The following AHCY variants were observed in gnomAD, a reference collection of about 807,000 sequenced individuals.
AHCY encodes the protein adenosylhomocysteinase, also known as S-adenosyl-L-homocysteine hydrolase.
A neutral mutation model predicts 45.4 loss-of-function variants in AHCY; 24 were observed. The observed-to-expected ratio is 0.53, with a 90% CI of 0.38 to 0.74. The LOEUF is 0.74. AHCY is among the 30% of genes least tolerant of loss of function. The pLI is 0.00. For synonymous variants in AHCY, 245 were observed against 235.1 expected (o/e 1.04, Z -0.39); for missense variants, 449 against 594.1 (o/e 0.76, Z 2.54).
At chr20:34,248,247 G>C in the AHCY span, among the ~76,000 whole-genome samples, 3 of 151,728 alleles carry the variant, frequency 2.0e-5, no homozygotes, top group Non-Finnish European at 4.4e-5. Context: ...AGAATTCAAA[G>C]ATATTTTAAG....
Position 34,295,406 on chromosome 20 carries a change from G to C in AHCY, c.208C>G (p.Leu70Val). 6.2e-7 allele frequency: 1 copy of C among 1,614,026 alleles called. No individual in the cohort carries two copies. The highest frequency in any genetic ancestry group is 1.6e-4 in the Middle Eastern group (1 of 6,062). Residue 70 changes from leucine to valine, a missense_variant, in exon 2 of 10, where the codon CTG becomes GTG. Coordinates refer to ENST00000217426, the MANE Select transcript of AHCY (RefSeq NM_000687.4). ...GCTGTGGGCCTCACCTCAGCACCCA[G>C]GGTGACGAGGGTCTCAATGAGGACG... ...TAVLIETLVT[L>V]GAEVQWSSCN...
At chr20:34,294,301 T>C in intron 2 of AHCY, 145 bp from the exon 3 acceptor site, 1 of 800,696 alleles carries the variant, frequency 1.2e-6, no homozygotes, top group Non-Finnish European at 2.1e-6. Context: ...AGGCTGGGGA[T>C]GCTGGGTGGG....
At chr20:34,282,857 G>A (rs1471750342) in intron 9 of AHCY, among the ~76,000 whole-genome samples, 1 of 152,082 alleles carries the variant, frequency 6.6e-6, no homozygotes, top group Non-Finnish European at 1.5e-5. Flanking sequence ...ACCCCTAAGG[G>A]ACCCCATCCT....
chr20:34,235,891 A>AAAGGG, the AHCY span, among the ~76,000 whole-genome samples: 1 of 97,596 alleles, frequency 1.0e-5, no homozygotes, highest in Non-Finnish European at 2.0e-5. Context: ...GGAAGGAAGG[A>AAAGGG]AGGAAGGAAA....
At chr20:34,268,883 G>A in the AHCY span, 1 of 1,402,192 alleles carries the variant, frequency 7.1e-7, no homozygotes, top group South Asian at 1.3e-5. Flanking sequence ...AAGCCAGCGG[G>A]GAAACCTCTG....
chr20:34,237,069 TA>T, the AHCY span, among the ~76,000 whole-genome samples: 2 of 152,222 alleles, frequency 1.3e-5, no homozygotes, highest in African/African-American at 4.8e-5. Flanking sequence ...TGGGTTTATT[TA>T]TTCTATTCCA....
the AHCY span, among the ~76,000 whole-genome samples, chr20:34,257,211 G>A: frequency 6.6e-6 from 1 of 151,858 alleles, no homozygotes; most frequent in East Asian, 1.9e-4. Context: ...AGCCTCCTGA[G>A]TAGGTGGATT....
In AHCY at chr20:34,292,507, A is replaced by G. The variant is rs2036433295; in HGVS notation, c.296T>C (p.Val99Ala). 2 of 1,613,814 alleles carry G rather than the reference A, an allele frequency of 1.2e-6. No homozygotes were observed. Among genetic ancestry groups the G allele is most frequent in the Non-Finnish European group, 1.7e-6 (2 of 1,180,028 alleles). ...AAAIAKAGIP[V>A]YAWKGETDEE... ...GTCCGTTTCGCCCTTCCAGGCATAC[A>G]CTGGAGGGTGAGTGGCACATCAGGG... The change falls in exon 4 of 10, where the codon GTG (valine) becomes GCG (alanine). Residue 99 changes from valine (V) to alanine (A), a missense_variant and splice_region_variant. Transcript: ENST00000217426.
At chr20:34,287,238 C>T (rs1210764548) in intron 8 of AHCY, among the ~76,000 whole-genome samples, 1 of 152,220 alleles carries the variant, frequency 6.6e-6, no homozygotes, top group Non-Finnish European at 1.5e-5. Flanking sequence ...AGGGACACGT[C>T]AACCTGGACT....
At chr20:34,246,738 G>A in the AHCY span, among the ~76,000 whole-genome samples, 4 of 152,134 alleles carry the variant, frequency 2.6e-5, no homozygotes, top group South Asian at 2.1e-4. Context: ...GATTACAGGC[G>A]TGAGCCCCTG....
At chr20:34,293,718 C>T (rs1199021496) in intron 3 of AHCY, 2 of 371,092 alleles carry the variant, frequency 5.4e-6, no homozygotes, top group Non-Finnish European at 1.0e-5. Flanking sequence ...GTCCTTTAGA[C>T]CGCCATACCC....
chr20:34,295,641 G>A (rs569249922), intron 1 of AHCY, 56 bp from the exon 2 acceptor site: 2 of 1,583,798 alleles, frequency 1.3e-6, no homozygotes, highest in African/African-American at 1.3e-5. Flanking sequence ...CCAACCAAGA[G>A]GGGCGGTCAC....
At chr20:34,235,828 A>AAGGAAG in the AHCY span, among the ~76,000 whole-genome samples, 2 of 67,154 alleles carry the variant, frequency 3.0e-5, no homozygotes, top group African/African-American at 3.0e-4. Flanking sequence ...AAAGAAAGAA[A>AAGGAAG]GAAAGAAAGA....
the AHCY span, among the ~76,000 whole-genome samples, chr20:34,256,940 C>T: frequency 9.9e-5 from 15 of 152,226 alleles, no homozygotes; most frequent in Admixed American, 2.0e-4. Context: ...GCCGCCACTC[C>T]CTGCTAAGAG....
At chr20:34,304,983 C>T (rs925591364), upstream of AHCY, among the ~76,000 whole-genome samples, 6 of 151,072 alleles carry the variant, frequency 4.0e-5, no homozygotes, top group African/African-American at 7.3e-5. Context: ...CCACCGTGCC[C>T]GGCCTCTACT....
At position 34,294,074 on chromosome 20, in the gene AHCY, G is replaced by A. The variant is rs373715152; in HGVS notation, c.295+7C>T. 6.2e-7 allele frequency: 1 copy of A among 1,614,058 alleles called. No individual in the cohort carries two copies. The highest frequency in any genetic ancestry group is 8.5e-7 in the Non-Finnish European group (1 of 1,179,912). ...AATTCCACGTCTCAGAAGCAAGCAGGACTTACCCGGAATGCCAGCCTTGGC... is the reference window on the plus strand; with the variant it reads ...AATTCCACGTCTCAGAAGCAAGCAGAACTTACCCGGAATGCCAGCCTTGGC... On this transcript the variant is annotated splice_region_variant and intron_variant, in intron 3 of 9. Coordinates refer to ENST00000217426, the MANE Select transcript of AHCY (RefSeq NM_000687.4).
At chr20:34,263,249 T>C in the AHCY span, among the ~76,000 whole-genome samples, 2 of 152,298 alleles carry the variant, frequency 1.3e-5, no homozygotes, top group South Asian at 4.1e-4. Context: ...GTTCCACCTA[T>C]TTATTTAACA....
upstream of AHCY, among the ~76,000 whole-genome samples, chr20:34,304,536 T>A (rs908354911): frequency 1.3e-5 from 2 of 152,046 alleles, no homozygotes; most frequent in African/African-American, 2.4e-5. Context: ...TTTTTTTTTT[T>A]TTTTATGGAG....
At chr20:34,261,742 C>T in the AHCY span, among the ~76,000 whole-genome samples, 1 of 152,128 alleles carries the variant, frequency 6.6e-6, no homozygotes, top group Admixed American at 6.6e-5. Flanking sequence ...GTCGACGCTG[C>T]AGTGAGCTAT....
Sources: gnomAD v4.1 joint callset for allele counts (sites outside exome capture counted in the v4.1 genomes callset) on GRCh38, gnomAD v4.1.1 for gene constraint, MANE v1.5 for transcripts, NCBI Gene and HGNC (gene_info 2026-07-23, HGNC 2026-07-21) for gene names.